The following MRC1 variants were observed in gnomAD, a reference collection of about 807,000 sequenced individuals.
MRC1 encodes the protein mannose receptor C-type 1, also known as macrophage mannose receptor 1.
Under a neutral mutation model 102.9 loss-of-function variants are expected in MRC1, and 62 were observed. The observed-to-expected ratio is 0.60, with a 90% CI of 0.49 to 0.74. The LOEUF is 0.74. Ranked by LOEUF, MRC1 falls within the 30% of genes least tolerant of loss-of-function variation. MRC1 has a pLI of 0.00. For synonymous variants in MRC1, 457 were observed against 298.4 expected (o/e 1.53, Z -5.48); for missense variants, 1,237 against 862.8 (o/e 1.43, Z -5.43).
At chr10:17,848,159 G>T (rs1017443895) in intron 6 of MRC1, among the ~76,000 whole-genome samples, 5 of 151,992 alleles carry the variant, frequency 3.3e-5, no homozygotes, top group Admixed American at 3.3e-4. Flanking sequence ...GTGAAGAAAG[G>T]TACCCTATAA....
Position 17,823,337 on chromosome 10 carries a change from G to A in MRC1, c.325G>A (p.Gly109Arg), listed in dbSNP as rs782616836. ...GGAGTGCAAAAATGACACACTTTTG[G>A]GGATCAAAGGAGAAGATTTATTTTT... ...KWECKNDTLLGIKGEDLFFNY... is the reference protein window; with the variant it reads ...KWECKNDTLLRIKGEDLFFNY... Residue 109 changes from glycine to arginine, a missense_variant, in exon 2 of 30, where the codon GGG (glycine) becomes AGG (arginine). Transcript: ENST00000569591. 2.6e-6 allele frequency: 2 copies of A among 780,646 alleles called. No homozygotes were observed. Among genetic ancestry groups the A allele is most frequent in the African/African-American group, 1.7e-5 (1 of 59,096 alleles). 48.4% of individuals were successfully genotyped at this position (780,646 alleles called of 1,614,324 possible).
intron 17 of MRC1, among the ~76,000 whole-genome samples, chr10:17,876,841 T>C (rs1433712789): frequency 6.6e-6 from 1 of 152,078 alleles, no homozygotes; most frequent in African/African-American, 2.4e-5. Flanking sequence ...GTATAATTTA[T>C]TTTTTCCAAG....
chr10:17,845,518 A>G, intron 6 of MRC1, 83 bp downstream of exon 6: 1 of 768,044 alleles, frequency 1.3e-6, no homozygotes, highest in East Asian at 2.4e-5. Flanking sequence ...TAACTGTTGG[A>G]ATGCCGCCAG....
At chr10:17,898,304 G>A in intron 24 of MRC1, 38 bp downstream of exon 24, 1 of 780,774 alleles carries the variant, frequency 1.3e-6, no homozygotes, top group Non-Finnish European at 2.4e-6. Context: ...GACATGATCA[G>A]TGAATTATGG....
chr10:17,890,811 G>C (rs1375556441), intron 22 of MRC1, among the ~76,000 whole-genome samples: 1 of 152,182 alleles, frequency 6.6e-6, no homozygotes, highest in Non-Finnish European at 1.5e-5. Flanking sequence ...TGGCCTGTTA[G>C]GAACTGAGCC....
At chr10:17,842,668 G>C (rs1256356025) in intron 5 of MRC1, among the ~76,000 whole-genome samples, 1 of 152,148 alleles carries the variant, frequency 6.6e-6, no homozygotes, top group Admixed American at 6.5e-5. Flanking sequence ...CTTATTAGGG[G>C]ACTAGAATTT....
At chr10:17,836,136 G>A (rs1320667742) in intron 4 of MRC1, among the ~76,000 whole-genome samples, 2 of 152,206 alleles carry the variant, frequency 1.3e-5, no homozygotes, top group African/African-American at 4.8e-5. Context: ...ACAAGGGCAA[G>A]AGCACACTCC....
rs1254406345 is a variant in MRC1 at position 17,832,545 on chromosome 10, ACT to A, written c.638-1127_638-1126del. Among the ~76,000 whole-genome samples, 12 of 147,638 alleles carry A rather than the reference ACT, an allele frequency of 8.1e-5. 1 individual carries two copies. The highest frequency in any genetic ancestry group is 2.8e-4 in the African/African-American group (11 of 38,912). On this transcript the variant is annotated intron_variant, in intron 3 of 29. Transcript: ENST00000569591. ...ACTCCAGCCTGGGCGACAGAGCGAGACTCTGTCTCAAACAAAACAAAACAAAC... is the reference window on the plus strand; with the variant it reads ...ACTCCAGCCTGGGCGACAGAGCGAGACTGTCTCAAACAAAACAAAACAAAC...
At chr10:17,843,027 A>G (rs1424499020) in intron 5 of MRC1, among the ~76,000 whole-genome samples, 3 of 152,252 alleles carry the variant, frequency 2.0e-5, no homozygotes, top group African/African-American at 7.2e-5. Context: ...AGTAATGAAA[A>G]TATTAAAATA....
chr10:17,823,464 G>C lies in MRC1; in HGVS notation c.452G>C (p.Arg151Thr). ...IYGTTDNLCS[R>T]GYEAMYTLLG... ...GGAACCACAGACAATCTGTGCTCCA[G>C]AGGTTATGAAGGTAAGATGCCTGGA... The change falls in exon 2 of 30, where the codon AGA (arginine) becomes ACA (threonine). Residue 151 changes from arginine (R) to threonine (T), a missense_variant. By Grantham distance (71) the Arg-to-Thr change is moderately conservative (BLOSUM62 -1). Coordinates refer to ENST00000569591, the MANE Select transcript of MRC1 (RefSeq NM_002438.4). 1 of 780,916 alleles carries C rather than the reference G, an allele frequency of 1.3e-6. No homozygotes were observed. Among genetic ancestry groups the C allele is most frequent in the South Asian group, 1.3e-5 (1 of 74,620 alleles). 48.4% of individuals were successfully genotyped at this position (780,916 alleles called of 1,614,324 possible). A position where few individuals can be genotyped will look rare whatever the true frequency, so the allele number is the denominator to read the frequency against.
intron 23 of MRC1, among the ~76,000 whole-genome samples, chr10:17,896,915 G>C (rs886630098): frequency 6.6e-6 from 1 of 152,172 alleles, no homozygotes; most frequent in Admixed American, 6.5e-5. Context: ...AGGATATCTC[G>C]ATCCCTAGAC....
intron 4 of MRC1, among the ~76,000 whole-genome samples, chr10:17,835,530 A>G (rs575633366): frequency 5.9e-5 from 9 of 152,316 alleles, no homozygotes; most frequent in African/African-American, 2.2e-4. Context: ...ACTGAAGGCC[A>G]TGTGGAGATC....
chr10:17,831,393 A>G (rs1316252368), intron 3 of MRC1, among the ~76,000 whole-genome samples: 8 of 151,408 alleles, frequency 5.3e-5, no homozygotes, highest in Non-Finnish European at 1.2e-4. Context: ...TAAGCATATA[A>G]TGATTTTGTA....
Position 17,856,909 on chromosome 10 carries a change from G to A in MRC1, c.1518+557G>A, listed in dbSNP as rs950089812. 6.6e-5 allele frequency among the ~76,000 whole-genome samples: 10 copies of A among 152,286 alleles called. No individual in the cohort carries two copies. The East Asian group carries it at 9.6e-4, about 15-fold the overall frequency. On this transcript the variant is annotated intron_variant, in intron 9 of 29. Coordinates refer to ENST00000569591, the MANE Select transcript of MRC1 (RefSeq NM_002438.4). ...TCCAACTGGTACCCACGGTAACTCAGTGGTCCCTGTGAAATAGTTTTTTAA... is the reference window on the plus strand; with the variant it reads ...TCCAACTGGTACCCACGGTAACTCAATGGTCCCTGTGAAATAGTTTTTTAA...
In MRC1 at chr10:17,825,177, T is replaced by C. The variant is rs987804500; in HGVS notation, c.463+1702T>C. On this transcript the variant is annotated intron_variant, in intron 2 of 29. Coordinates refer to ENST00000569591, the MANE Select transcript of MRC1 (RefSeq NM_002438.4). ...ACACACATTAGAACTGAAGACAGTG[T>C]CGAGAGGATGTATTGTAGGGTCTCT... Among the ~76,000 whole-genome samples, 11 of 152,218 alleles carry C rather than the reference T, an allele frequency of 7.2e-5. No homozygotes were observed. The East Asian group carries it at 1.7e-3, about 24-fold the overall frequency.
At chr10:17,822,470 A>C (rs1388119273) in intron 1 of MRC1, among the ~76,000 whole-genome samples, 2 of 152,226 alleles carry the variant, frequency 1.3e-5, no homozygotes, top group East Asian at 3.9e-4. Flanking sequence ...AAAAATAAAA[A>C]ATGAGTTGGT....
At chr10:17,815,180 C>G (rs1381437250) in intron 1 of MRC1, among the ~76,000 whole-genome samples, 2 of 152,194 alleles carry the variant, frequency 1.3e-5, no homozygotes, top group African/African-American at 2.4e-5. Context: ...TGCTATTTCC[C>G]CCTTTATTTT....
At chr10:17,886,338 T>TCCTTC (rs1833594195) in intron 22 of MRC1, among the ~76,000 whole-genome samples, 44 of 148,670 alleles carry the variant, frequency 3.0e-4, no homozygotes, top group South Asian at 1.3e-3. Flanking sequence ...CTTCCTTCCT[T>TCCTTC]CTTCTTTCCC....
At chr10:17,907,286 G>A (rs1833908185) in intron 27 of MRC1, among the ~76,000 whole-genome samples, 1 of 152,162 alleles carries the variant, frequency 6.6e-6, no homozygotes, top group Non-Finnish European at 1.5e-5. Flanking sequence ...CTAAGGAAAG[G>A]ATAAGTATAA....
Sources: allele counts gnomAD v4.1 joint callset (sites outside exome capture counted in the v4.1 genomes callset), GRCh38; gene constraint gnomAD v4.1.1; transcripts MANE v1.5; gene names NCBI Gene and HGNC (gene_info 2026-07-23, HGNC 2026-07-21).